The following RALGPS1 variants were observed in gnomAD, a reference collection of about 807,000 sequenced individuals.
The protein encoded by RALGPS1 is ras-specific guanine nucleotide-releasing factor RalGPS1.
In RALGPS1, 19 loss-of-function variants were observed where a neutral mutation model predicts 78.8. The ratio of observed to expected loss-of-function variants is 0.24; its 90% confidence interval spans 0.17 to 0.35. The LOEUF is 0.35. Among genes scored for constraint, RALGPS1 ranks in the 10% least tolerant of loss-of-function variants. The pLI, the probability that RALGPS1 is intolerant of heterozygous loss-of-function variation, is 1.00. For synonymous variants in RALGPS1, 228 were observed against 256.3 expected (o/e 0.89, Z 1.06); for missense variants, 454 against 688.3 (o/e 0.66, Z 3.81).
intron 4 of RALGPS1, among the ~76,000 whole-genome samples, chr9:127,033,107 A>G (rs544650633): frequency 2.0e-5 from 3 of 152,190 alleles, no homozygotes; most frequent in African/African-American, 4.8e-5. Flanking sequence ...TGTCATTGCT[A>G]TTATTTGAGT....
At chr9:126,996,174 C>T (rs1005520129) in intron 4 of RALGPS1, among the ~76,000 whole-genome samples, 3 of 152,074 alleles carry the variant, frequency 2.0e-5, no homozygotes, top group African/African-American at 7.2e-5. Flanking sequence ...CAAGAAATAA[C>T]TAAAATCAGA....
intron 8 of RALGPS1, among the ~76,000 whole-genome samples, chr9:127,132,568 G>T (rs932218357): frequency 3.3e-5 from 5 of 152,242 alleles, no homozygotes; most frequent in African/African-American, 1.2e-4. Flanking sequence ...CACAGTGCTT[G>T]ACACACACCA....
rs80116607 is a variant in RALGPS1 at position 126,979,498 on chromosome 9, T to C, written c.216+1753T>C. On this transcript the variant is annotated intron_variant, in intron 4 of 18. Transcript: ENST00000259351. ...AGCTGTTTCTGATTATGTTCTCTGC[T>C]TAGCTCTGATCTGGAGCAGTTTAGA... Among the ~76,000 whole-genome samples the C allele has an allele frequency of 5.6e-3, 857 of 152,342 alleles. 28 individuals are homozygous for C. In the East Asian group the frequency reaches 0.081, roughly 14 times the overall value.
chr9:127,187,082 T>C (rs957189543), intron 11 of RALGPS1, among the ~76,000 whole-genome samples: 4 of 152,226 alleles, frequency 2.6e-5, no homozygotes, highest in African/African-American at 9.6e-5. Context: ...TCCAGCTGTG[T>C]GACTGCAGAG....
chr9:127,156,471 G>C (rs1214937316), intron 8 of RALGPS1, among the ~76,000 whole-genome samples: 2 of 152,098 alleles, frequency 1.3e-5, no homozygotes, highest in Non-Finnish European at 2.9e-5. Context: ...AACTTTGTCA[G>C]TATAAATGGG....
chr9:127,141,124 C>T (rs2057746225), intron 8 of RALGPS1, among the ~76,000 whole-genome samples: 3 of 152,060 alleles, frequency 2.0e-5, no homozygotes, highest in African/African-American at 4.8e-5. Context: ...CCTCCAGCAG[C>T]GCTGGGCAGC....
At chr9:126,919,238 A>G (rs972034939) in intron 1 of RALGPS1, among the ~76,000 whole-genome samples, 1 of 152,154 alleles carries the variant, frequency 6.6e-6, no homozygotes, top group Non-Finnish European at 1.5e-5. Context: ...AATGTTTTTG[A>G]CTGATATAAG....
At chr9:127,015,139 A>G (rs1219376151) in intron 4 of RALGPS1, among the ~76,000 whole-genome samples, 2 of 152,172 alleles carry the variant, frequency 1.3e-5, no homozygotes, top group East Asian at 1.9e-4. Context: ...GATAGTCACT[A>G]TTATTCAAAA....
chr9:127,177,461 C>G (rs1215948016), intron 11 of RALGPS1, among the ~76,000 whole-genome samples: 1 of 152,214 alleles, frequency 6.6e-6, no homozygotes, highest in Non-Finnish European at 1.5e-5. Context: ...CTCTTCCCCT[C>G]CAGGCATCTA....
intron 4 of RALGPS1, among the ~76,000 whole-genome samples, chr9:127,024,181 A>G (rs371403836): frequency 9.9e-5 from 15 of 152,150 alleles, no homozygotes; most frequent in African/African-American, 3.6e-4. Context: ...CTCAACTTCA[A>G]AATATATTTT....
chr9:127,002,114 A>G (rs1453509629), intron 4 of RALGPS1, among the ~76,000 whole-genome samples: 1 of 152,158 alleles, frequency 6.6e-6, no homozygotes, highest in Non-Finnish European at 1.5e-5. Context: ...CCAGAAGGCT[A>G]CCTCATGCCC....
intron 4 of RALGPS1, among the ~76,000 whole-genome samples, chr9:126,991,319 G>T (rs77460811): frequency 6.6e-6 from 1 of 152,158 alleles, no homozygotes; most frequent in African/African-American, 2.4e-5. Flanking sequence ...TGGGGCAGGA[G>T]TCTGAACTGG....
chr9:126,996,672 A>T (rs2042796496), intron 4 of RALGPS1, among the ~76,000 whole-genome samples: 1 of 152,214 alleles, frequency 6.6e-6, no homozygotes, highest in South Asian at 2.1e-4. Flanking sequence ...ATCCTCCCTA[A>T]CTCATTTTAT....
intron 8 of RALGPS1, among the ~76,000 whole-genome samples, chr9:127,090,162 C>T (rs1226491536): frequency 1.3e-5 from 2 of 152,202 alleles, no homozygotes. Context: ...GATCCTTGGG[C>T]ACGCCATAAC....
intron 10 of RALGPS1, among the ~76,000 whole-genome samples, chr9:127,170,546 A>G (rs1399413036): frequency 1.3e-5 from 2 of 152,190 alleles, no homozygotes; most frequent in Non-Finnish European, 2.9e-5. Context: ...TTTATTTACG[A>G]AGCATTGGCT....
chr9:127,126,997 A>G (rs2056662548), intron 8 of RALGPS1, among the ~76,000 whole-genome samples: 2 of 152,230 alleles, frequency 1.3e-5, no homozygotes, highest in Non-Finnish European at 2.9e-5. Context: ...GTTGTGTTCT[A>G]GCAGGCAGTT....
chr9:127,039,628 G>A (rs953755186), intron 5 of RALGPS1, among the ~76,000 whole-genome samples: 2 of 152,204 alleles, frequency 1.3e-5, no homozygotes, highest in Non-Finnish European at 2.9e-5. Context: ...AGTACTTAAT[G>A]AGGTAAAGTC....
intron 4 of RALGPS1, among the ~76,000 whole-genome samples, chr9:127,010,679 G>A (rs1386761477): frequency 6.6e-6 from 1 of 152,218 alleles, no homozygotes; most frequent in Non-Finnish European, 1.5e-5. Context: ...GAACATGGCT[G>A]CAGGGCTGGT....
At chr9:126,994,053 G>A (rs2042511127) in intron 4 of RALGPS1, among the ~76,000 whole-genome samples, 2 of 151,878 alleles carry the variant, frequency 1.3e-5, no homozygotes, top group Admixed American at 1.3e-4. Flanking sequence ...AAAGACCAAA[G>A]GTAGATAAAA....
Sources: allele counts gnomAD v4.1 joint callset (sites outside exome capture counted in the v4.1 genomes callset), GRCh38; gene constraint gnomAD v4.1.1; transcripts MANE v1.5; gene names NCBI Gene and HGNC (gene_info 2026-07-23, HGNC 2026-07-21).